Variants in NCR1 observed in about 807,000 individuals in gnomAD.
NCR1 encodes natural cytotoxicity triggering receptor 1, also known as NK cell-activating receptor.
In NCR1, 30 loss-of-function variants were observed where a neutral mutation model predicts 32.5. The ratio of observed to expected loss-of-function variants is 0.92; its 90% CI spans 0.69 to 1.25. The LOEUF is 1.25. Among genes scored for constraint, NCR1 ranks in the 50% most tolerant of loss-of-function variants. The pLI, the probability that NCR1 is intolerant of heterozygous loss-of-function variation, is 0.00. For missense variants in NCR1, 369 were observed against 380.7 expected (o/e 0.97, Z 0.26); for synonymous variants, 169 against 143.4 (o/e 1.18, Z -1.28).
downstream of NCR1, among the ~76,000 whole-genome samples, chr19:54,915,579 G>C (rs2068115360): frequency 6.6e-6 from 1 of 152,118 alleles, no homozygotes; most frequent in African/African-American, 2.4e-5. Flanking sequence ...TTGAACCCGG[G>C]AGGCAGAGGT....
At chr19:54,936,378 A>G in the NCR1 span, 3 of 1,613,944 alleles carry the variant, frequency 1.9e-6, no homozygotes, top group East Asian at 2.2e-5. Flanking sequence ...CTTCTTCCCA[A>G]TGAAAGCAAG....
chr19:54,918,155 T>G (rs1356287642), downstream of NCR1, among the ~76,000 whole-genome samples: 1 of 152,032 alleles, frequency 6.6e-6, no homozygotes, highest in Non-Finnish European at 1.5e-5. Context: ...CAGGATGGTC[T>G]CGATCTGACC....
At chr19:54,913,565 C>T (rs1435803100), downstream of NCR1, among the ~76,000 whole-genome samples, 1 of 151,978 alleles carries the variant, frequency 6.6e-6, no homozygotes, top group Non-Finnish European at 1.5e-5. Context: ...AGTTAATAAC[C>T]AATATAGAAT....
chr19:54,906,938 C>G, intron 3 of NCR1, 131 bp downstream of exon 3: 2 of 1,054,272 alleles, frequency 1.9e-6, no homozygotes, highest in African/African-American at 1.6e-5. Flanking sequence ...GGGGTGATCC[C>G]CATCACAATC....
At chr19:54,924,678 A>G in the NCR1 span, among the ~76,000 whole-genome samples, 4 of 151,276 alleles carry the variant, frequency 2.6e-5, no homozygotes, top group African/African-American at 7.3e-5. Context: ...ACTCACGCCT[A>G]TAATTCCAGC....
At chr19:54,935,532 T>C in the NCR1 span, among the ~76,000 whole-genome samples, 2 of 151,914 alleles carry the variant, frequency 1.3e-5, no homozygotes, top group South Asian at 2.1e-4. Context: ...CCTGTCTCTA[T>C]TAAAAATACA....
chr19:54,903,518 G>GTA (rs756980546), upstream of NCR1, among the ~76,000 whole-genome samples: 125 of 129,806 alleles, frequency 9.6e-4, 14 homozygotes, highest in African/African-American at 3.2e-3. Flanking sequence ...ACGCATACAT[G>GTA]TGTGTATACA....
chr19:54,922,779 A>C, the NCR1 span, among the ~76,000 whole-genome samples: 1 of 65,448 alleles, frequency 1.5e-5, no homozygotes, highest in Non-Finnish European at 2.7e-5. Context: ...ACTCCGTCTC[A>C]AAAAAAAAAA....
the NCR1 span, chr19:54,934,791 C>T: frequency 4.3e-6 from 3 of 691,484 alleles, no homozygotes; most frequent in Admixed American, 5.8e-5. This position sits in a 1 kb window ranked among gnomAD's most constrained non-coding sequence, Gnocchi z 6.7. Context: ...CTCACTGCAG[C>T]CTCCGCCTCC....
upstream of NCR1, among the ~76,000 whole-genome samples, chr19:54,903,468 A>G (rs371366067): frequency 6.6e-5 from 9 of 136,444 alleles, no homozygotes; most frequent in African/African-American, 1.5e-4. Flanking sequence ...ATGTATGTAT[A>G]CACGGATACA....
At chr19:54,921,666 G>A in the NCR1 span, among the ~76,000 whole-genome samples, 22 of 151,162 alleles carry the variant, frequency 1.5e-4, no homozygotes, top group Middle Eastern at 3.4e-3. Context: ...CAGCTACTCC[G>A]GAGGCTGGGA....
the NCR1 span, among the ~76,000 whole-genome samples, chr19:54,921,772 CAAAAAAAAAAAAA>C: frequency 2.1e-5 from 2 of 93,964 alleles, no homozygotes; most frequent in Non-Finnish European, 4.2e-5. Flanking sequence ...GACTCCATCT[CAAAAAAAAAAAAA>C]AAAAAAAAAA....
chr19:54,923,880 G>C, the NCR1 span: 1 of 1,612,196 alleles, frequency 6.2e-7, no homozygotes, highest in South Asian at 1.1e-5. Flanking sequence ...AACCTGGAGG[G>C]ATCAGAGAAC....
the NCR1 span, among the ~76,000 whole-genome samples, chr19:54,928,034 C>G: frequency 1.3e-5 from 2 of 152,128 alleles, no homozygotes; most frequent in South Asian, 2.1e-4. Flanking sequence ...TCGAGACCAG[C>G]CAGGCCAACA....
the NCR1 span, among the ~76,000 whole-genome samples, chr19:54,928,961 C>T: frequency 6.6e-6 from 1 of 152,040 alleles, no homozygotes; most frequent in African/African-American, 2.4e-5. Flanking sequence ...GCTGAGATTA[C>T]AGGAACAAGA....
At chr19:54,937,958 C>G in the NCR1 span, 2 of 821,154 alleles carry the variant, frequency 2.4e-6, no homozygotes, top group South Asian at 2.8e-5. Flanking sequence ...GGAGATGAAA[C>G]AGCACATTTC....
the NCR1 span, chr19:54,938,008 T>C: frequency 9.2e-6 from 14 of 1,522,372 alleles, no homozygotes; most frequent in Non-Finnish European, 1.3e-5. Context: ...TTAGTCATCG[T>C]TCAGGGTCTT....
chr19:54,925,259 G>A, the NCR1 span, among the ~76,000 whole-genome samples: 1 of 152,080 alleles, frequency 6.6e-6, no homozygotes, highest in African/African-American at 2.4e-5. Flanking sequence ...AATAGTCCTT[G>A]GTGGCATTAC....
At chr19:54,934,981 G>A in the NCR1 span, among the ~76,000 whole-genome samples, 2 of 152,122 alleles carry the variant, frequency 1.3e-5, no homozygotes, top group Admixed American at 6.6e-5. This position sits in a 1 kb window ranked among gnomAD's most constrained non-coding sequence, Gnocchi z 6.7. Flanking sequence ...ACAGGTGTGA[G>A]CCACCGCGCC....
Sources: allele counts gnomAD v4.1 joint callset (sites outside exome capture counted in the v4.1 genomes callset), GRCh38; gene constraint gnomAD v4.1.1; non-coding constraint Gnocchi (gnomAD v3.1); transcripts MANE v1.5; gene names NCBI Gene and HGNC (gene_info 2026-07-23, HGNC 2026-07-21).